NCOA2: variants seen among roughly 807,000 people sequenced by gnomAD.
NCOA2 encodes the protein class E basic helix-loop-helix protein 75.
In NCOA2, 21 loss-of-function variants were observed where a neutral mutation model predicts 145.1. The ratio of observed to expected loss-of-function variants is 0.14; its 90% CI spans 0.10 to 0.21. The LOEUF (loss-of-function observed/expected upper bound fraction) is 0.21, where lower values mean the gene tolerates loss of function less well. NCOA2 is among the 10% of genes least tolerant of loss of function. The pLI is 1.00. For missense variants in NCOA2, 1,472 were observed against 1,837.6 expected (o/e 0.80, Z 3.64); for synonymous variants, 619 against 637.5 (o/e 0.97, Z 0.44).
At chr8:70,198,984 G>A (rs969195644) in intron 4 of NCOA2, among the ~76,000 whole-genome samples, 1 of 152,146 alleles carries the variant, frequency 6.6e-6, no homozygotes, top group African/African-American at 2.4e-5. Context: ...GAGTATCTGT[G>A]CAATGAAAGA....
In NCOA2 at chr8:70,312,526, T is replaced by TA. The variant is rs750419310; in HGVS notation, c.-76-15727dup. Among the ~76,000 whole-genome samples, 6 of 151,936 alleles carry TA rather than the reference T, an allele frequency of 3.9e-5. No homozygotes were observed. The East Asian group carries it at 7.7e-4, about 20-fold the overall frequency. On this transcript the variant is annotated intron_variant, in intron 1 of 22. Coordinates refer to ENST00000452400, the MANE Select transcript of NCOA2 (RefSeq NM_006540.4). ...ACTGATATATACTTCAGACTTTTTA[T>TA]AAAATACCAACGGTCATTCTAAAGC... is the stretch of plus-strand genomic sequence containing the variant.
At position 70,159,243 on chromosome 8, in the gene NCOA2, T is replaced by TATATATATATA. The variant is rs869045939; in HGVS notation, c.1124+261_1124+262insTATATATATAT. ...AACATTATATATATATATATATATATTTTTTTTTTTTTCCCCCAAATATTT... is the reference window on the plus strand; with the variant it reads ...AACATTATATATATATATATATATATATATATATATATTTTTTTTTTTTCCCCCAAATATTT... On this transcript the variant is annotated intron_variant, in intron 10 of 22. Coordinates refer to ENST00000452400, the MANE Select transcript of NCOA2 (RefSeq NM_006540.4). 4.8e-3 allele frequency among the ~76,000 whole-genome samples: 392 copies of TATATATATATA among 82,014 alleles called. 7 individuals are homozygous for TATATATATATA. Among genetic ancestry groups the TATATATATATA allele is most frequent in the African/African-American group, 0.019 (382 of 20,082 alleles). The allele number at this position is 82,014 out of a possible 152,430, so 53.8% of individuals were successfully genotyped here.
Position 70,138,193 on chromosome 8 carries a change from C to T in NCOA2, c.3158+10G>A. On this transcript the variant is annotated intron_variant, in intron 15 of 22. Coordinates refer to ENST00000452400, the MANE Select transcript of NCOA2 (RefSeq NM_006540.4). Reference sequence around the variant, plus strand: ...AAAATAACTGGCTACCCTAGGTGCTCAGGACTCACCTGTTTTGGCTGGCAA... The same window carrying T: ...AAAATAACTGGCTACCCTAGGTGCTTAGGACTCACCTGTTTTGGCTGGCAA... 4 of 1,610,030 alleles carry T rather than the reference C, an allele frequency of 2.5e-6. No homozygotes were observed. The highest frequency in any genetic ancestry group is 2.5e-6 in the Non-Finnish European group (3 of 1,178,816).
the NCOA2 span, among the ~76,000 whole-genome samples, chr8:70,440,045 G>T: frequency 2.6e-5 from 4 of 152,176 alleles, no homozygotes; most frequent in South Asian, 4.1e-4. Context: ...CAAACCAGCA[G>T]CATCATCTCA....
chr8:70,414,450 G>A, the NCOA2 span, among the ~76,000 whole-genome samples: 1 of 151,996 alleles, frequency 6.6e-6, no homozygotes, highest in African/African-American at 2.4e-5. Flanking sequence ...TGGATCCCTT[G>A]TTGCCATCCC....
At chr8:70,324,196 T>A (rs1358412677) in intron 1 of NCOA2, among the ~76,000 whole-genome samples, 2 of 152,218 alleles carry the variant, frequency 1.3e-5, no homozygotes, top group African/African-American at 4.8e-5. Flanking sequence ...TGCTATCTAA[T>A]CCCTAAAGTA....
chr8:70,392,561 T>C (rs1228374750), intron 1 of NCOA2, among the ~76,000 whole-genome samples: 1 of 152,254 alleles, frequency 6.6e-6, no homozygotes, highest in African/African-American at 2.4e-5. Context: ...TTTCATTATT[T>C]ATCTATTAAG....
At chr8:70,435,419 C>T in the NCOA2 span, among the ~76,000 whole-genome samples, 2 of 75,490 alleles carry the variant, frequency 2.6e-5, no homozygotes, top group Non-Finnish European at 4.5e-5. Context: ...AGTGAGACTC[C>T]GTCTCAAAAA....
At chr8:70,147,438 A>C (rs578194918) in intron 12 of NCOA2, among the ~76,000 whole-genome samples, 3 of 152,336 alleles carry the variant, frequency 2.0e-5, no homozygotes, top group Non-Finnish European at 4.4e-5. Flanking sequence ...TATTGGCTCA[A>C]ATTGTATCTG....
chr8:70,162,674 AG>A, intron 9 of NCOA2, 36 bp downstream of exon 9: 1 of 1,581,514 alleles, frequency 6.3e-7, no homozygotes. Flanking sequence ...TCCCACAGGA[AG>A]CAATAATTTA....
rs147779463 is a variant in NCOA2, at chr8:70,180,459, C to T, written c.260-5600G>A. Among the ~76,000 whole-genome samples, 680 of 152,192 alleles carry T rather than the reference C, an allele frequency of 4.5e-3. 16 individuals are homozygous for T. The highest frequency in any genetic ancestry group is 0.027 in the Middle Eastern group (8 of 294). On this transcript the variant is annotated intron_variant, in intron 4 of 22. Transcript: ENST00000452400. ...GAACAAAACCCCATCTCTTCAGGGACCATGTTAAGATGAGTCATACCACAA... is the reference window on the plus strand; with the variant it reads ...GAACAAAACCCCATCTCTTCAGGGATCATGTTAAGATGAGTCATACCACAA...
At chr8:70,175,892 T>C (rs1204990015) in intron 4 of NCOA2, among the ~76,000 whole-genome samples, 1 of 151,490 alleles carries the variant, frequency 6.6e-6, no homozygotes, top group East Asian at 1.9e-4. Flanking sequence ...GTCAAAAATA[T>C]TTTATACAGT....
chr8:70,415,097 G>A, the NCOA2 span, among the ~76,000 whole-genome samples: 1 of 152,294 alleles, frequency 6.6e-6, no homozygotes, highest in African/African-American at 2.4e-5. Context: ...GAGCCCAGGA[G>A]TTTGAGGCTA....
In NCOA2 at chr8:70,157,173, T is replaced by A; in HGVS notation, c.1192A>T (p.Ile398Phe). ...TGATGGGCAGGGCTGTTAGAGCTAA[T>A]TGGATTCAGTGGCTTCCCCATCGTT... ...GQTMGKPLNP[I>F]SSNSPAHQAL... The change falls in exon 11 of 23, where the codon ATT becomes TTT. Residue 398 changes from isoleucine (I) to phenylalanine (F), a missense_variant. Ile to Phe is a conservative substitution (Grantham distance 21, BLOSUM62 0). Coordinates refer to ENST00000452400, the MANE Select transcript of NCOA2 (RefSeq NM_006540.4). The A allele has an allele frequency of 6.2e-7, 1 of 1,601,986 alleles. No individual in the cohort carries two copies. The highest frequency in any genetic ancestry group is 1.1e-5 in the South Asian group (1 of 89,782).
chr8:70,270,716 TAAC>T (rs1311360422), intron 2 of NCOA2, among the ~76,000 whole-genome samples: 7 of 152,228 alleles, frequency 4.6e-5, no homozygotes, highest in African/African-American at 1.7e-4. Flanking sequence ...CCTTTAACAA[TAAC>T]AACAACCAGA....
chr8:70,238,956 A>G (rs1821886118), intron 2 of NCOA2, among the ~76,000 whole-genome samples: 2 of 152,148 alleles, frequency 1.3e-5, no homozygotes, highest in African/African-American at 4.8e-5. Context: ...TATTCTAGAG[A>G]AACAATAGAT....
At chr8:70,399,757 A>AT (rs1814051834) in intron 1 of NCOA2, among the ~76,000 whole-genome samples, 1 of 152,252 alleles carries the variant, frequency 6.6e-6, no homozygotes, top group South Asian at 2.1e-4. Flanking sequence ...TTTCAGAAAA[A>AT]TTGTTTAAAG....
At chr8:70,399,750 C>T (rs549432812) in intron 1 of NCOA2, among the ~76,000 whole-genome samples, 2 of 152,330 alleles carry the variant, frequency 1.3e-5, no homozygotes, top group South Asian at 4.1e-4. Context: ...CTGTGCATTT[C>T]AGAAAAATTG....
At chr8:70,430,896 G>T in the NCOA2 span, among the ~76,000 whole-genome samples, 1 of 152,098 alleles carries the variant, frequency 6.6e-6, no homozygotes, top group East Asian at 1.9e-4. Context: ...TAAATAACGG[G>T]TTTTTTTCTA....
Sources: gnomAD v4.1 joint callset for allele counts (sites outside exome capture counted in the v4.1 genomes callset) on GRCh38, gnomAD v4.1.1 for gene constraint, MANE v1.5 for transcripts, NCBI Gene and HGNC (gene_info 2026-07-23, HGNC 2026-07-21) for gene names.